The following AP3D1 variants were observed in gnomAD, a reference collection of about 807,000 sequenced individuals.
AP3D1 encodes adaptor related protein complex 3 subunit delta 1.
AP3D1 carries 51 observed loss-of-function variants against 147.6 expected under a neutral mutation model. The ratio of observed to expected loss-of-function variants is 0.35; its 90% CI spans 0.28 to 0.44. AP3D1 has a LOEUF of 0.44. AP3D1 is among the 20% of genes least tolerant of loss of function. The pLI is 1.00. For synonymous variants in AP3D1, 760 were observed against 663.0 expected, an observed-to-expected ratio of 1.15 and a Z score of -2.25; for missense variants, 1,421 against 1,624.2, an observed-to-expected ratio of 0.87 and a Z score of 2.15.
intron 18 of AP3D1, among the ~76,000 whole-genome samples, 192 bp downstream of exon 18, chr19:2,116,015 C>T (rs970795182): frequency 1.3e-5 from 2 of 152,246 alleles, no homozygotes; most frequent in East Asian, 1.9e-4. Flanking sequence ...CAGGGCCCCC[C>T]GGCTGGAGGC....
chr19:2,141,060 G>A (rs1311825543), intron 1 of AP3D1, among the ~76,000 whole-genome samples: 1 of 151,756 alleles, frequency 6.6e-6, no homozygotes, highest in Admixed American at 6.6e-5. Context: ...CGCCCGGCCT[G>A]AATTAGAAAA....
Position 2,114,261 on chromosome 19 carries a change from C to G in AP3D1, c.2465G>C (p.Arg822Thr), listed in dbSNP as rs746508300. ...AGGGGATTTTGAGGTCTCGGTGTTT[C>G]TGTGTTTCTGAATAGGCAGTTTCTC... ...DSEKLPIQKHRNTETSKSPEK... is the reference protein window; with the variant it reads ...DSEKLPIQKHTNTETSKSPEK... The change falls in exon 22 of 32, where the codon AGA (arginine) becomes ACA (threonine). Residue 822 changes from arginine to threonine, a missense_variant. Coordinates refer to ENST00000643116, the MANE Select transcript of AP3D1 (RefSeq NM_001261826.3). 1.9e-6 allele frequency: 3 copies of G among 1,612,982 alleles called. No individual in the cohort carries two copies. Among genetic ancestry groups the G allele is most frequent in the Non-Finnish European group, 2.5e-6 (3 of 1,179,712 alleles).
intron 1 of AP3D1, among the ~76,000 whole-genome samples, chr19:2,149,893 C>T (rs2019459766): frequency 6.6e-6 from 1 of 152,248 alleles, no homozygotes; most frequent in Non-Finnish European, 1.5e-5. Context: ...CCAGGCCCAT[C>T]AGCGATGCTT....
At position 2,116,198 on chromosome 19, in the gene AP3D1, G is replaced by C. The variant is rs372523840; in HGVS notation, c.2073+9C>G. 4 of 1,614,002 alleles carry C rather than the reference G, an allele frequency of 2.5e-6. No homozygotes were observed. The South Asian group carries it at 3.3e-5, about 13-fold the overall frequency. On this transcript the variant is annotated intron_variant, in intron 18 of 31. Transcript: ENST00000643116. Reference sequence around the variant, plus strand: ...TGCTGAGGGACAGGCACCCGGGGACGGGCCTCACCTTCTGTGGCGATGGCG... The same window carrying C: ...TGCTGAGGGACAGGCACCCGGGGACCGGCCTCACCTTCTGTGGCGATGGCG...
At chr19:2,106,958 G>A (rs2018126881) in intron 31 of AP3D1, among the ~76,000 whole-genome samples, 1 of 152,036 alleles carries the variant, frequency 6.6e-6, no homozygotes, top group South Asian at 2.1e-4. Flanking sequence ...CTGAACATTA[G>A]GAATGAAAAG....
intron 4 of AP3D1, among the ~76,000 whole-genome samples, chr19:2,136,187 A>C (rs959654209): frequency 6.6e-6 from 1 of 152,242 alleles, no homozygotes; most frequent in Non-Finnish European, 1.5e-5. Context: ...AACCTTGCCC[A>C]CAACGGTGAG....
intron 14 of AP3D1, among the ~76,000 whole-genome samples, chr19:2,119,767 C>CT (rs1371635876): frequency 6.8e-6 from 1 of 147,814 alleles, no homozygotes; most frequent in East Asian, 2.0e-4. Context: ...AACCCCATCT[C>CT]TAATAAGAAT....
At position 2,132,686 on chromosome 19, in the gene AP3D1, C is replaced by A. The variant is rs539915969; in HGVS notation, c.355-108G>T. ...GAAATTCTCCCAGGATGCCCCAGGA[C>A]TCGGCATATCCTCTTGGGGTGCAGC... On this transcript the variant is annotated intron_variant, in intron 4 of 31. Transcript: ENST00000643116. 5.9e-6 allele frequency: 5 copies of A among 852,092 alleles called. No individual in the cohort carries two copies. In the African/African-American group the frequency reaches 8.3e-5, roughly 14 times the overall value. The allele number at this position is 852,092 out of a possible 1,614,324, so 52.8% of individuals were successfully genotyped here.
intron 8 of AP3D1, among the ~76,000 whole-genome samples, chr19:2,127,449 G>A (rs1000301672): frequency 1.3e-5 from 2 of 152,228 alleles, no homozygotes; most frequent in South Asian, 2.1e-4. Context: ...ACGCAGGGAC[G>A]GACCACGCAC....
intron 1 of AP3D1, among the ~76,000 whole-genome samples, chr19:2,150,427 C>T (rs969075026): frequency 6.6e-6 from 1 of 152,190 alleles, no homozygotes; most frequent in African/African-American, 2.4e-5. Flanking sequence ...AAGGGAGGAG[C>T]GGGAAGGAAA....
chr19:2,140,234 C>T (rs900347508), intron 1 of AP3D1, among the ~76,000 whole-genome samples: 7 of 152,176 alleles, frequency 4.6e-5, no homozygotes, highest in Non-Finnish European at 7.3e-5. Context: ...GGATGTCAAA[C>T]GGCGCGGCTG....
intron 1 of AP3D1, chr19:2,164,053 C>G: frequency 1.9e-6 from 1 of 517,766 alleles, no homozygotes; most frequent in Non-Finnish European, 2.6e-6. Context: ...GCGGCGGCGG[C>G]CGAGGCCGAG....
intron 1 of AP3D1, among the ~76,000 whole-genome samples, chr19:2,156,752 G>T (rs1285459464): frequency 6.6e-6 from 1 of 152,124 alleles, no homozygotes; most frequent in Non-Finnish European, 1.5e-5. Context: ...GGGAGGCTGA[G>T]GCAGGAGAAT....
At chr19:2,137,650 TA>T (rs2019112202) in intron 3 of AP3D1, 76 bp downstream of exon 3, 4 of 1,198,988 alleles carry the variant, frequency 3.3e-6, no homozygotes, top group Non-Finnish European at 3.7e-6. Context: ...ATAATAATAA[TA>T]AAAATTGGCC....
chr19:2,116,851 A>C (rs1411715018), intron 16 of AP3D1, 105 bp from the exon 17 acceptor site: 3 of 1,395,876 alleles, frequency 2.1e-6, no homozygotes, highest in Middle Eastern at 2.4e-4. Context: ...GTGATATCCC[A>C]AACAGTGGGG....
chr19:2,115,486 C>A, intron 19 of AP3D1, 52 bp downstream of exon 19: 2 of 1,609,002 alleles, frequency 1.2e-6, no homozygotes, highest in South Asian at 2.2e-5. Flanking sequence ...GCGGCGGGAG[C>A]ACCCCACAGC....
chr19:2,154,367 C>T (rs1273863928), upstream of AP3D1, among the ~76,000 whole-genome samples: 1 of 151,496 alleles, frequency 6.6e-6, no homozygotes, highest in Non-Finnish European at 1.5e-5. Flanking sequence ...GCAACCTCCA[C>T]CTCCCTAGTT....
intron 31 of AP3D1, among the ~76,000 whole-genome samples, 168 bp downstream of exon 31, chr19:2,108,519 T>C (rs1027932169): frequency 6.6e-6 from 1 of 152,186 alleles, no homozygotes. Flanking sequence ...AGGGAGAGTC[T>C]GTGCTGCTGA....
chr19:2,105,512 G>A (rs1042036015), intron 31 of AP3D1, among the ~76,000 whole-genome samples: 9 of 152,202 alleles, frequency 5.9e-5, no homozygotes, highest in Non-Finnish European at 1.0e-4. Flanking sequence ...CCATCCATTC[G>A]TTTCCCGTAG....
Sources: allele counts gnomAD v4.1 joint callset (sites outside exome capture counted in the v4.1 genomes callset), GRCh38; gene constraint gnomAD v4.1.1; transcripts MANE v1.5; gene names NCBI Gene and HGNC (gene_info 2026-07-23, HGNC 2026-07-21).